Variants in ZNF521 observed in about 807,000 individuals in gnomAD.
ZNF521 encodes zinc finger protein 521, also known as LYST-interacting protein 3.
Under a neutral mutation model 105.5 loss-of-function variants are expected in ZNF521, and 14 were observed. The observed-to-expected ratio is 0.13, with a 90% CI of 0.09 to 0.21. ZNF521 has a LOEUF of 0.21. Ranked by LOEUF, ZNF521 falls within the 10% of genes least tolerant of loss-of-function variation. ZNF521 has a pLI of 1.00. For missense variants in ZNF521, 1,233 were observed against 1,629.7 expected, an observed-to-expected ratio of 0.76 and a Z score of 4.19; for synonymous variants, 635 against 606.0, an observed-to-expected ratio of 1.05 and a Z score of -0.70.
chr18:25,327,728 C>A (rs1027697685), intron 2 of ZNF521: 1 of 517,450 alleles, frequency 1.9e-6, no homozygotes, highest in African/African-American at 1.9e-5. Context: ...GGAAATAAAT[C>A]GCACACTGTT....
chr18:25,205,141 T>TAAAAAAAAAAAAAAAAAAAAA (rs34563599), intron 4 of ZNF521, among the ~76,000 whole-genome samples: 1 of 74,934 alleles, frequency 1.3e-5, no homozygotes, highest in African/African-American at 6.2e-5. Flanking sequence ...GTAGTGAAGG[T>TAAAAAAAAAAAAAAAAAAAAA]AAAAAAAAAA....
intron 3 of ZNF521, among the ~76,000 whole-genome samples, chr18:25,241,782 GAAAGAAAAACCA>G (rs1907352869): frequency 6.6e-6 from 1 of 152,104 alleles, no homozygotes; most frequent in Non-Finnish European, 1.5e-5. Context: ...AAACAAAATT[GAAAGAAAAACCA>G]TTATTTGTAA....
At chr18:25,322,411 T>C in intron 2 of ZNF521, 2 of 609,606 alleles carry the variant, frequency 3.3e-6, no homozygotes, top group Non-Finnish European at 3.0e-6. Flanking sequence ...CATGTAGCCC[T>C]TTTCCTCTCT....
At chr18:25,351,017 CCCCTCGGGCCGCGGCGCCTCGCG>C (rs1453601339) in intron 1 of ZNF521, 70 bp from the exon 2 acceptor site, 11 of 1,326,058 alleles carry the variant, frequency 8.3e-6, no homozygotes, top group African/African-American at 4.7e-5. Flanking sequence ...TGGCCGCGCG[CCCCTCGGGCCGCGGCGCCTCGCG>C]CCCTCCGCTC....
At chr18:25,076,912 G>A (rs8085461) in intron 7 of ZNF521, among the ~76,000 whole-genome samples, 30,464 of 152,234 alleles carry the variant, frequency 0.2, 3,411 homozygotes, top group African/African-American at 0.3. Context: ...CCCTTGTTCT[G>A]TTCCAACGGA....
At chr18:25,263,638 C>CAAT (rs1320265592) in intron 3 of ZNF521, among the ~76,000 whole-genome samples, 5 of 152,182 alleles carry the variant, frequency 3.3e-5, no homozygotes, top group Non-Finnish European at 7.3e-5. Context: ...CACAATGATG[C>CAAT]AATCTTGGCT....
chr18:25,150,833 TCTCTC>T (rs2035032548), intron 5 of ZNF521, among the ~76,000 whole-genome samples: 1 of 151,924 alleles, frequency 6.6e-6, no homozygotes, highest in Non-Finnish European at 1.5e-5. Flanking sequence ...CCCCATGTGG[TCTCTC>T]ACCCCTTCAA....
chr18:25,324,309 A>G (rs1913089073), intron 2 of ZNF521, among the ~76,000 whole-genome samples: 1 of 152,132 alleles, frequency 6.6e-6, no homozygotes, highest in South Asian at 2.1e-4. Context: ...AAAAAGCACC[A>G]GCATGCCTAC....
chr18:25,320,330 G>A lies in ZNF521; in HGVS notation c.220+1678C>T, dbSNP rs183481010. 1.1e-3 allele frequency among the ~76,000 whole-genome samples: 163 copies of A among 152,082 alleles called. 3 individuals carry two copies. In the East Asian group the frequency reaches 0.028, roughly 26 times the overall value. On this transcript the variant is annotated intron_variant, in intron 3 of 7. Coordinates refer to ENST00000361524, the MANE Select transcript of ZNF521 (RefSeq NM_015461.3). Reference sequence around the variant, plus strand: ...TGGGATTACAGGCACGTGCCACCACGCACGGCTAATTTTTATTTTTAGTAG... The same window carrying A: ...TGGGATTACAGGCACGTGCCACCACACACGGCTAATTTTTATTTTTAGTAG...
chr18:25,175,666 C>T (rs2035524459), intron 5 of ZNF521, among the ~76,000 whole-genome samples: 1 of 152,148 alleles, frequency 6.6e-6, no homozygotes, highest in African/African-American at 2.4e-5. Context: ...TCACATGTCA[C>T]TTTTAATAGA....
chr18:25,243,648 GATC>G (rs1354702132), intron 3 of ZNF521, among the ~76,000 whole-genome samples: 1 of 152,172 alleles, frequency 6.6e-6, no homozygotes, highest in Non-Finnish European at 1.5e-5. Context: ...AGATTGCTTA[GATC>G]ATCAAGCTGA....
intron 7 of ZNF521, chr18:25,082,745 G>C (rs908980524): frequency 2.6e-5 from 9 of 352,882 alleles, no homozygotes; most frequent in South Asian, 2.0e-4. Flanking sequence ...GGGAGGCTAA[G>C]GCAGGAGAAT....
chr18:25,088,455 G>A (rs1475159285), intron 7 of ZNF521, among the ~76,000 whole-genome samples: 12 of 151,792 alleles, frequency 7.9e-5, no homozygotes, highest in African/African-American at 1.4e-4. Flanking sequence ...TCCTGACCTC[G>A]TGATCCTCCC....
intron 5 of ZNF521, among the ~76,000 whole-genome samples, chr18:25,129,654 T>C (rs2034604086): frequency 1.3e-5 from 2 of 151,734 alleles, no homozygotes; most frequent in South Asian, 4.2e-4. Flanking sequence ...AACAACTCAA[T>C]TAGAAAGTGG....
intron 3 of ZNF521, among the ~76,000 whole-genome samples, chr18:25,248,870 T>TA (rs1907912734): frequency 6.6e-6 from 1 of 152,236 alleles, no homozygotes; most frequent in Non-Finnish European, 1.5e-5. Flanking sequence ...GTTAACAAAC[T>TA]ACGGCTTATA....
At chr18:25,166,218 C>G (rs1330526389) in intron 5 of ZNF521, among the ~76,000 whole-genome samples, 2 of 152,116 alleles carry the variant, frequency 1.3e-5, no homozygotes, top group Non-Finnish European at 2.9e-5. Context: ...ATAAAAGACA[C>G]AGGGTACAGA....
intron 2 of ZNF521, among the ~76,000 whole-genome samples, chr18:25,349,515 C>A (rs907006357): frequency 1.3e-5 from 2 of 152,202 alleles, no homozygotes; most frequent in Admixed American, 6.5e-5. Flanking sequence ...TCCCCCACCC[C>A]GTCCCTTCCC....
intron 5 of ZNF521, among the ~76,000 whole-genome samples, chr18:25,172,459 A>C (rs181893950): frequency 3.0e-4 from 46 of 152,286 alleles, no homozygotes; most frequent in Admixed American, 5.9e-4. Context: ...ATTAGTTTCT[A>C]CTTCAAAAAG....
At chr18:25,123,468 A>G (rs1175127411) in intron 5 of ZNF521, among the ~76,000 whole-genome samples, 2 of 152,206 alleles carry the variant, frequency 1.3e-5, no homozygotes, top group African/African-American at 4.8e-5. Context: ...CTTTAGAGCT[A>G]AAGTACCTTC....
Sources: gnomAD v4.1 joint callset for allele counts (sites outside exome capture counted in the v4.1 genomes callset) on GRCh38, gnomAD v4.1.1 for gene constraint, MANE v1.5 for transcripts, NCBI Gene and HGNC (gene_info 2026-07-23, HGNC 2026-07-21) for gene names.